ELMO2: variants seen among roughly 807,000 people sequenced by gnomAD.
ELMO2 encodes engulfment and cell motility protein 2.
In ELMO2, 37 loss-of-function variants were observed where a neutral mutation model predicts 96.2. The ratio of observed to expected loss-of-function variants is 0.38; its 90% CI spans 0.30 to 0.51. The LOEUF (loss-of-function observed/expected upper bound fraction) is 0.51, where lower values mean the gene tolerates loss of function less well. ELMO2 is among the 20% of genes least tolerant of loss of function. The pLI is 0.88. For missense variants in ELMO2, 561 were observed against 912.6 expected, an observed-to-expected ratio of 0.61 and a Z score of 4.96; for synonymous variants, 315 against 329.4, an observed-to-expected ratio of 0.96 and a Z score of 0.47.
At chr20:46,381,335 A>C (rs1369805679) in intron 10 of ELMO2, among the ~76,000 whole-genome samples, 1 of 152,134 alleles carries the variant, frequency 6.6e-6, no homozygotes, top group Non-Finnish European at 1.5e-5. Context: ...GCCTTCATTT[A>C]ATTTTATAGA....
intron 10 of ELMO2, 37 bp downstream of exon 10, chr20:46,383,379 G>A (rs1273989312): frequency 1.9e-6 from 3 of 1,582,268 alleles, no homozygotes; most frequent in Non-Finnish European, 1.7e-6. Flanking sequence ...TATCTCAGAA[G>A]AGCCCAGATG....
chr20:46,380,297 C>T lies in ELMO2; in HGVS notation c.763G>A (p.Ala255Thr). Residue 255 changes from alanine to threonine, a missense_variant, in exon 11 of 22, where the codon GCA becomes ACA. Ala to Thr is a moderately conservative substitution (Grantham distance 58, BLOSUM62 0). Coordinates refer to ENST00000290246, the MANE Select transcript of ELMO2 (RefSeq NM_133171.5). ...AGATGCTTCTGTGCAAATGCATTTG[C>T]CATATCCTGTGGAGGAAAATAAGCA... ...KAPEDKRQDM[A>T]NAFAQKHLRS... 5 of 1,613,156 alleles carry T rather than the reference C, an allele frequency of 3.1e-6. No individual in the cohort carries two copies. The highest frequency in any genetic ancestry group is 4.2e-6 in the Non-Finnish European group (5 of 1,179,320).
At chr20:46,397,837 C>G (rs933056550) in intron 2 of ELMO2, among the ~76,000 whole-genome samples, 11 of 152,066 alleles carry the variant, frequency 7.2e-5, no homozygotes, top group African/African-American at 2.7e-4. Context: ...AAACCAAGAG[C>G]CTTTCAGAGG....
At chr20:46,373,264 C>T in intron 16 of ELMO2, 135 bp downstream of exon 16, 4 of 1,238,660 alleles carry the variant, frequency 3.2e-6, no homozygotes, top group Non-Finnish European at 4.5e-6. Flanking sequence ...TCCCCAGTGC[C>T]TCAGTCTTGT....
chr20:46,405,540 C>A (rs943206422), intron 1 of ELMO2, among the ~76,000 whole-genome samples: 1 of 151,990 alleles, frequency 6.6e-6, no homozygotes, highest in African/African-American at 2.4e-5. Flanking sequence ...GGATCTGACC[C>A]TACAAAGGGG....
At chr20:46,406,132 C>T (rs542184142) in intron 1 of ELMO2, among the ~76,000 whole-genome samples, 1 of 152,274 alleles carries the variant, frequency 6.6e-6, no homozygotes, top group African/African-American at 2.4e-5. Flanking sequence ...TTGAGCATGA[C>T]CCCGGGCTTT....
intron 4 of ELMO2, 59 bp from the exon 5 acceptor site, chr20:46,393,660 A>G (rs1191057604): frequency 5.1e-6 from 8 of 1,572,484 alleles, no homozygotes; most frequent in African/African-American, 2.7e-5. Flanking sequence ...GAAGCTGCTC[A>G]TAAGTAATTT....
At chr20:46,383,602 T>C (rs2059993725) in intron 9 of ELMO2, 108 bp from the exon 10 acceptor site, 1 of 1,090,096 alleles carries the variant, frequency 9.2e-7, no homozygotes, top group South Asian at 1.3e-5. Flanking sequence ...CAAATAATGA[T>C]CTGGAGCTCA....
chr20:46,404,264 C>T (rs561480751), intron 1 of ELMO2, among the ~76,000 whole-genome samples: 2 of 152,294 alleles, frequency 1.3e-5, no homozygotes, highest in East Asian at 3.9e-4. Context: ...TCAACTGCAT[C>T]AAATATGCTT....
intron 8 of ELMO2, 61 bp downstream of exon 8, chr20:46,387,277 C>A: frequency 6.8e-7 from 1 of 1,471,034 alleles, no homozygotes; most frequent in Non-Finnish European, 9.5e-7. Flanking sequence ...TGTATCTCCC[C>A]TTAAGCCTTG....
chr20:46,371,159 C>T lies in ELMO2; in HGVS notation c.1801+193G>A, dbSNP rs2059695104. 6.6e-6 allele frequency among the ~76,000 whole-genome samples: 1 copy of T among 152,208 alleles called. No homozygotes were observed. The highest frequency in any genetic ancestry group is 1.5e-5 in the Non-Finnish European group (1 of 68,032). On this transcript the variant is annotated intron_variant, in intron 19 of 21. Transcript: ENST00000290246. This position sits in a 1 kb window ranked among gnomAD's most constrained non-coding sequence, Gnocchi z 5.9. ...TTACAGTCTACACAATACATTCACA[C>T]CTGTGAACTCATTGTTTCTCCAAAC... is the stretch of plus-strand genomic sequence containing the variant.
intron 1 of ELMO2, among the ~76,000 whole-genome samples, chr20:46,399,778 A>G (rs1226077738): frequency 1.3e-5 from 2 of 152,160 alleles, no homozygotes; most frequent in East Asian, 1.9e-4. Flanking sequence ...GCTGGCTCCA[A>G]ACAGACAGGG....
chr20:46,400,526 A>AG (rs1216753984), intron 1 of ELMO2, among the ~76,000 whole-genome samples: 1 of 152,264 alleles, frequency 6.6e-6, no homozygotes, highest in Non-Finnish European at 1.5e-5. Context: ...CACCAGCATA[A>AG]GGGAGCTGTA....
chr20:46,399,267 TA>T (rs1332660970), intron 1 of ELMO2, among the ~76,000 whole-genome samples: 1 of 152,230 alleles, frequency 6.6e-6, no homozygotes, highest in African/African-American at 2.4e-5. Flanking sequence ...CTCACCATTG[TA>T]ACAGAAGACA....
chr20:46,393,389 T>G (rs1362319126), intron 5 of ELMO2, 140 bp downstream of exon 5: 10 of 1,043,118 alleles, frequency 9.6e-6, no homozygotes, highest in Admixed American at 2.1e-5. Flanking sequence ...GGCTGGTGTT[T>G]CCCAGTCTGT....
Position 46,367,313 on chromosome 20 carries a change from G to A in ELMO2, c.*47C>T. The A allele has an allele frequency of 7.1e-7, 1 of 1,410,974 alleles. No individual in the cohort carries two copies. The highest frequency in any genetic ancestry group is 9.3e-7 in the Non-Finnish European group (1 of 1,072,550). 87.4% of individuals were successfully genotyped at this position (1,410,974 alleles called of 1,614,324 possible). A position where few individuals can be genotyped will look rare whatever the true frequency, so the allele number is the denominator to read the frequency against. On this transcript the variant is annotated 3_prime_UTR_variant, in exon 22 of 22. Transcript: ENST00000290246. Reference sequence around the variant, plus strand: ...GCACCAGAATGTAAGTGTTTCTCCTGGGCCCAAAATCCCTTCTCCTGGGTA... The same window carrying A: ...GCACCAGAATGTAAGTGTTTCTCCTAGGCCCAAAATCCCTTCTCCTGGGTA...
At chr20:46,380,832 A>G (rs1054904519) in intron 10 of ELMO2, among the ~76,000 whole-genome samples, 1 of 152,226 alleles carries the variant, frequency 6.6e-6, no homozygotes, top group African/African-American at 2.4e-5. Context: ...ACTGGCTTAG[A>G]GAACAATGAG....
intron 1 of ELMO2, among the ~76,000 whole-genome samples, chr20:46,404,032 C>T (rs1309714153): frequency 2.6e-5 from 4 of 151,930 alleles, no homozygotes; most frequent in African/African-American, 9.7e-5. Flanking sequence ...TGCAGTTAGC[C>T]GAGATGGCAC....
chr20:46,370,821 C>T (rs959086152), intron 19 of ELMO2, among the ~76,000 whole-genome samples: 10 of 152,138 alleles, frequency 6.6e-5, no homozygotes, highest in Non-Finnish European at 1.5e-4. Flanking sequence ...GACTCCCTTC[C>T]CCTCTCCTTC....
Sources: allele counts gnomAD v4.1 joint callset (sites outside exome capture counted in the v4.1 genomes callset), GRCh38; gene constraint gnomAD v4.1.1; non-coding constraint Gnocchi (gnomAD v3.1); transcripts MANE v1.5; gene names NCBI Gene and HGNC (gene_info 2026-07-23, HGNC 2026-07-21).